The following AUTS2 variants were observed in gnomAD, a reference collection of about 807,000 sequenced individuals.
AUTS2 encodes the protein activator of transcription and developmental regulator AUTS2.
AUTS2 carries 17 observed loss-of-function variants against 112.4 expected under a neutral mutation model. The ratio of observed to expected loss-of-function variants is 0.15; its 90% CI spans 0.10 to 0.23. The LOEUF (loss-of-function observed/expected upper bound fraction) is 0.23. AUTS2 is among the 10% of genes least tolerant of loss of function. AUTS2 has a pLI of 1.00. For synonymous variants in AUTS2, 751 were observed against 702.7 expected, an observed-to-expected ratio of 1.07 and a Z score of -1.09; for missense variants, 1,510 against 1,701.6, an observed-to-expected ratio of 0.89 and a Z score of 1.98.
chr7:70,568,801 G>A (rs1801813751), intron 5 of AUTS2, among the ~76,000 whole-genome samples: 2 of 152,196 alleles, frequency 1.3e-5, no homozygotes, highest in South Asian at 2.1e-4. Flanking sequence ...AAACACTGTC[G>A]CCACCAGTGT....
chr7:70,539,156 C>G (rs1270759563), intron 5 of AUTS2, among the ~76,000 whole-genome samples: 1 of 152,150 alleles, frequency 6.6e-6, no homozygotes. Context: ...GAGTCGCAAC[C>G]TGGTACAGCA....
At position 70,309,084 on chromosome 7, in the gene AUTS2, A is replaced by G. The variant is rs1376885807; in HGVS notation, c.661-126668A>G. On this transcript the variant is annotated intron_variant, in intron 4 of 18. Transcript: ENST00000342771. ...TTGTAATTACTGTGACTTAGTTAGA[A>G]GTTTTTGAACCCCTTTTGTATTTCA... Among the ~76,000 whole-genome samples, 4 of 152,214 alleles carry G rather than the reference A, an allele frequency of 2.6e-5. No individual in the cohort carries two copies. The East Asian group carries it at 7.7e-4, about 29-fold the overall frequency.
intron 2 of AUTS2, among the ~76,000 whole-genome samples, chr7:70,077,808 C>G (rs577267688): frequency 6.6e-6 from 1 of 152,148 alleles, no homozygotes; most frequent in Admixed American, 6.6e-5. Context: ...GGCAATACAT[C>G]GCTCCCTTTC....
chr7:69,959,807 T>G (rs1052949082), intron 2 of AUTS2, among the ~76,000 whole-genome samples: 3 of 152,160 alleles, frequency 2.0e-5, no homozygotes. Context: ...AAAAATTGTT[T>G]TGTCTTACTA....
At chr7:70,123,240 C>G (rs1050683232) in intron 3 of AUTS2, among the ~76,000 whole-genome samples, 1 of 152,108 alleles carries the variant, frequency 6.6e-6, no homozygotes, top group Non-Finnish European at 1.5e-5. Flanking sequence ...GCAACACCTA[C>G]CTGCACAATA....
rs929995673 is a variant in AUTS2, at chr7:69,636,492, C to CT, written c.309+36530_309+36531insT. Among the ~76,000 whole-genome samples the CT allele has an allele frequency of 2.0e-5, 2 of 101,560 alleles. 1 individual carries two copies. The highest frequency in any genetic ancestry group is 8.0e-5 in the African/African-American group (2 of 24,972). 66.6% of individuals were successfully genotyped at this position (101,560 alleles called of 152,430 possible). Reference sequence around the variant, plus strand: ...TCAAGTGATCCGCGCCCCCCCCCCCCCTTGGCCTCCCAAAGTGCTAGGATT... The same window carrying CT: ...TCAAGTGATCCGCGCCCCCCCCCCCCTCTTGGCCTCCCAAAGTGCTAGGATT... On this transcript the variant is annotated intron_variant, in intron 1 of 18. Transcript: ENST00000342771.
intron 5 of AUTS2, among the ~76,000 whole-genome samples, chr7:70,692,023 G>A (rs1808781358): frequency 6.6e-6 from 1 of 151,972 alleles, no homozygotes; most frequent in South Asian, 2.1e-4. Flanking sequence ...TGGGGTTACA[G>A]GTGTGCACCT....
chr7:69,746,737 T>A (rs1463759667), intron 1 of AUTS2, among the ~76,000 whole-genome samples: 5 of 152,094 alleles, frequency 3.3e-5, no homozygotes, highest in African/African-American at 1.2e-4. Context: ...ATATAGGACC[T>A]TGTAGGTACT....
At chr7:70,565,038 C>T (rs1393236358) in intron 5 of AUTS2, among the ~76,000 whole-genome samples, 2 of 152,042 alleles carry the variant, frequency 1.3e-5, no homozygotes, top group Non-Finnish European at 2.9e-5. Context: ...GGAGAGGTTG[C>T]AGTGAGCCGA....
intron 2 of AUTS2, among the ~76,000 whole-genome samples, chr7:69,934,738 G>C (rs1796346437): frequency 6.6e-6 from 1 of 152,176 alleles, no homozygotes; most frequent in African/African-American, 2.4e-5. Context: ...TCATGTTACA[G>C]CTCTGCTTGG....
intron 2 of AUTS2, among the ~76,000 whole-genome samples, chr7:69,950,217 C>T (rs1270259049): frequency 6.6e-6 from 1 of 152,056 alleles, no homozygotes; most frequent in Non-Finnish European, 1.5e-5. Context: ...AAAAACGTAG[C>T]ACAAAGTTTC....
At chr7:70,313,255 C>G (rs1789842376) in intron 4 of AUTS2, among the ~76,000 whole-genome samples, 1 of 152,160 alleles carries the variant, frequency 6.6e-6, no homozygotes, top group South Asian at 2.1e-4. Context: ...AACACTTGTC[C>G]CACACAGAGT....
rs11376710 is a variant in AUTS2, at chr7:70,462,957, CA to C, written c.690+27190del. ...TGGGTGACAGAGCGAGACTCCGTCT[CA>C]AAAAAAAAAAAAATCTGCTGGGGAG... On this transcript the variant is annotated intron_variant, in intron 5 of 18. Transcript: ENST00000342771. Among the ~76,000 whole-genome samples, 842 of 138,682 alleles carry C rather than the reference CA, an allele frequency of 6.1e-3. 8 individuals are homozygous for C. The highest frequency in any genetic ancestry group is 0.017 in the African/African-American group (633 of 37,148). 91.0% of individuals were successfully genotyped at this position (138,682 alleles called of 152,430 possible).
chr7:69,620,000 T>C (rs1422938770), intron 1 of AUTS2, among the ~76,000 whole-genome samples: 1 of 152,242 alleles, frequency 6.6e-6, no homozygotes, highest in East Asian at 1.9e-4. Flanking sequence ...CTGAGGATTT[T>C]GATTACAAAT....
intron 4 of AUTS2, among the ~76,000 whole-genome samples, chr7:70,219,471 C>T (rs565635685): frequency 6.6e-6 from 1 of 151,888 alleles, no homozygotes; most frequent in Non-Finnish European, 1.5e-5. Context: ...ATAGACATCA[C>T]AGTAAAAGAT....
intron 2 of AUTS2, among the ~76,000 whole-genome samples, chr7:69,904,385 G>T (rs945521985): frequency 6.6e-6 from 1 of 152,168 alleles, no homozygotes; most frequent in African/African-American, 2.4e-5. Context: ...TTCAAGTCTC[G>T]TTTCTGAAGA....
chr7:70,693,625 T>C (rs1808873379), intron 5 of AUTS2, among the ~76,000 whole-genome samples: 1 of 152,382 alleles, frequency 6.6e-6, no homozygotes, highest in African/African-American at 2.4e-5. Flanking sequence ...TATTTTGTAT[T>C]GAGCGCCTAC....
chr7:70,581,447 A>G (rs1802440062), intron 5 of AUTS2, among the ~76,000 whole-genome samples: 2 of 152,190 alleles, frequency 1.3e-5, no homozygotes. Context: ...AGTCCCGGCT[A>G]CTCAGGAGGC....
At chr7:70,110,914 C>T (rs898649862) in intron 2 of AUTS2, among the ~76,000 whole-genome samples, 49 of 142,150 alleles carry the variant, frequency 3.4e-4, no homozygotes, top group African/African-American at 1.1e-3. Flanking sequence ...CCCAGTCGCC[C>T]AGGCTGGAGC....
Sources: gnomAD v4.1 joint callset for allele counts (sites outside exome capture counted in the v4.1 genomes callset) on GRCh38, gnomAD v4.1.1 for gene constraint, MANE v1.5 for transcripts, NCBI Gene and HGNC (gene_info 2026-07-23, HGNC 2026-07-21) for gene names.